The following ROBO1 variants were observed in gnomAD, a reference collection of about 807,000 sequenced individuals.
ROBO1 encodes roundabout guidance receptor 1, also known as roundabout homolog 1.
A neutral mutation model predicts 195.9 loss-of-function variants in ROBO1; 149 were observed. That is an observed-to-expected ratio of 0.76 (90% confidence interval 0.67 to 0.87). The LOEUF is 0.87. Ranked by LOEUF, ROBO1 falls within the 40% of genes least tolerant of loss-of-function variation. The probability of loss-of-function intolerance (pLI) is 0.00; values close to 1 mark genes in which losing one functional copy is unlikely to be tolerated. For missense variants in ROBO1, 1,933 were observed against 2,068.3 expected (o/e 0.93, Z 1.27); for synonymous variants, 816 against 733.2 (o/e 1.11, Z -1.82).
chr3:79,692,752 A>C (rs1947332191), intron 1 of ROBO1, among the ~76,000 whole-genome samples: 1 of 151,868 alleles, frequency 6.6e-6, no homozygotes, highest in Non-Finnish European at 1.5e-5. Flanking sequence ...TGTATATCAT[A>C]TGACTATCAT....
chr3:79,653,833 T>C lies in ROBO1; in HGVS notation c.-50-63872A>G, dbSNP rs1485111435. ...CTAGTTCTATTCATCTATACAGTAT[T>C]ATCAAAAGGTATAGCTGGTAGCTAT... On this transcript the variant is annotated intron_variant, in intron 1 of 30. Coordinates refer to ENST00000464233, the MANE Select transcript of ROBO1 (RefSeq NM_002941.4). Among the ~76,000 whole-genome samples, 3 of 151,992 alleles carry C rather than the reference T, an allele frequency of 2.0e-5. No individual in the cohort carries two copies. In the South Asian group the frequency reaches 6.2e-4, roughly 31 times the overall value.
intron 3 of ROBO1, among the ~76,000 whole-genome samples, chr3:79,065,979 T>C (rs1255237463): frequency 2.0e-5 from 3 of 151,894 alleles, no homozygotes; most frequent in African/African-American, 7.2e-5. Flanking sequence ...TCATAAGGAA[T>C]GGATACCAGA....
chr3:79,676,842 T>C (rs1353491589), intron 1 of ROBO1, among the ~76,000 whole-genome samples: 1 of 152,034 alleles, frequency 6.6e-6, no homozygotes, highest in Non-Finnish European at 1.5e-5. Context: ...GGGGAGTCAG[T>C]TTAGCTTCTG....
At chr3:78,908,386 T>A (rs2038053011) in intron 4 of ROBO1, among the ~76,000 whole-genome samples, 1 of 151,884 alleles carries the variant, frequency 6.6e-6, no homozygotes, top group Non-Finnish European at 1.5e-5. Context: ...ATCATCAAGG[T>A]CTTTTAGAGA....
chr3:78,768,658 T>TA (rs2083288898), intron 4 of ROBO1, among the ~76,000 whole-genome samples: 1 of 151,892 alleles, frequency 6.6e-6, no homozygotes, highest in East Asian at 1.9e-4. Context: ...CTTTTTTTTT[T>TA]TTATTATTAT....
chr3:78,828,501 C>T (rs531265681), intron 4 of ROBO1, among the ~76,000 whole-genome samples: 2 of 152,246 alleles, frequency 1.3e-5, no homozygotes, highest in African/African-American at 2.4e-5. Context: ...GCAAGTTTCA[C>T]GCTACCATAC....
intron 3 of ROBO1, among the ~76,000 whole-genome samples, chr3:79,051,927 T>G (rs771078606): frequency 5.9e-5 from 9 of 152,092 alleles, no homozygotes; most frequent in Non-Finnish European, 1.0e-4. Context: ...AAGCTGAGGA[T>G]GTATGTTGCC....
intron 4 of ROBO1, among the ~76,000 whole-genome samples, chr3:78,802,597 G>A (rs2084402055): frequency 6.6e-6 from 1 of 152,042 alleles, no homozygotes; most frequent in Non-Finnish European, 1.5e-5. Flanking sequence ...AGATATACCT[G>A]AATTCTCTTT....
At chr3:79,282,910 A>C (rs913652187) in intron 2 of ROBO1, among the ~76,000 whole-genome samples, 2 of 152,196 alleles carry the variant, frequency 1.3e-5, no homozygotes, top group Admixed American at 6.5e-5. Context: ...AAATGCCAAA[A>C]ATATACCATA....
Position 78,717,810 on chromosome 3 carries a change from T to C in ROBO1, c.731A>G (p.Asn244Ser), listed in dbSNP as rs1037350203. 21 of 1,613,638 alleles carry C rather than the reference T, an allele frequency of 1.3e-5. No homozygotes were observed. The highest frequency in any genetic ancestry group is 3.3e-5 in the Admixed American group (2 of 59,988). Residue 244 changes from asparagine (N) to serine (S), a missense_variant, in exon 6 of 31, where the codon AAT becomes AGT. Asn to Ser is a conservative substitution (Grantham distance 46). Coordinates refer to ENST00000464233, the MANE Select transcript of ROBO1 (RefSeq NM_002941.4). The part of the protein sequence containing the change: ...DAGKYVCVGT[N>S]MVGERESEVA... ...TTCACTCTCACGTTCCCCAACCATA[T>C]TGGTACCAACACAAACATATTTGCC...
chr3:79,610,709 A>G (rs1944631264), intron 1 of ROBO1, among the ~76,000 whole-genome samples: 1 of 152,006 alleles, frequency 6.6e-6, no homozygotes, highest in African/African-American at 2.4e-5. Context: ...TAGTTAATAC[A>G]CTTTTGGCCT....
intron 3 of ROBO1, among the ~76,000 whole-genome samples, chr3:79,100,167 C>A (rs1297058054): frequency 6.6e-6 from 1 of 151,678 alleles, no homozygotes; most frequent in Non-Finnish European, 1.5e-5. Flanking sequence ...AATAATGATA[C>A]CAAACACATC....
At chr3:79,623,652 G>T in intron 1 of ROBO1, among the ~76,000 whole-genome samples, 1 of 152,014 alleles carries the variant, frequency 6.6e-6, no homozygotes, top group Non-Finnish European at 1.5e-5. Context: ...GAGAAAACAA[G>T]AATGAAAAGA....
chr3:79,215,046 T>C (rs1039069954), intron 2 of ROBO1, among the ~76,000 whole-genome samples: 14 of 152,078 alleles, frequency 9.2e-5, no homozygotes, highest in African/African-American at 3.4e-4. Flanking sequence ...CTCCCTTTGC[T>C]AAAATGCATG....
chr3:79,333,014 C>T (rs906583463), intron 2 of ROBO1, among the ~76,000 whole-genome samples: 1 of 151,866 alleles, frequency 6.6e-6, no homozygotes, highest in African/African-American at 2.4e-5. Context: ...CCAGCCCGAC[C>T]AATACGGCGA....
chr3:78,750,211 T>C (rs2082754443), intron 4 of ROBO1, among the ~76,000 whole-genome samples: 1 of 152,022 alleles, frequency 6.6e-6, no homozygotes, highest in Non-Finnish European at 1.5e-5. Flanking sequence ...ATCCCAGCAC[T>C]TTGGGAGGCC....
chr3:79,766,435 C>T (rs1704995147), intron 1 of ROBO1, among the ~76,000 whole-genome samples: 1 of 151,844 alleles, frequency 6.6e-6, no homozygotes, highest in Non-Finnish European at 1.5e-5. Flanking sequence ...CTCCCCCACC[C>T]CACCCATCTG....
intron 1 of ROBO1, among the ~76,000 whole-genome samples, chr3:79,655,678 T>C (rs1006501998): frequency 6.6e-6 from 1 of 152,092 alleles, no homozygotes; most frequent in African/African-American, 2.4e-5. Flanking sequence ...CAAAGCTAAT[T>C]GGGAACCTAA....
At position 79,610,472 on chromosome 3, in the gene ROBO1, C is replaced by T. The variant is rs932435572; in HGVS notation, c.-50-20511G>A. The stretch of plus-strand genomic sequence containing the variant: ...TACTGTATTAAAAGATAGTGTTTTT[C>T]CTGTGATAATAAAAATATTTAAATT... On this transcript the variant is annotated intron_variant, in intron 1 of 30. Transcript: ENST00000464233. 7.9e-5 allele frequency among the ~76,000 whole-genome samples: 12 copies of T among 151,704 alleles called. 1 individual carries two copies. The South Asian group carries it at 1.9e-3, about 24-fold the overall frequency.
Sources: gnomAD v4.1 joint callset for allele counts (sites outside exome capture counted in the v4.1 genomes callset) on GRCh38, gnomAD v4.1.1 for gene constraint, MANE v1.5 for transcripts, NCBI Gene and HGNC (gene_info 2026-07-23, HGNC 2026-07-21) for gene names.